The following MAX variants were observed in gnomAD, a reference collection of about 807,000 sequenced individuals.
The protein encoded by MAX is MYC associated transcriptional regulator X.
In MAX, 3 loss-of-function variants were observed where a neutral mutation model predicts 22.3. The observed-to-expected ratio is 0.13, with a 90% CI of 0.06 to 0.35. The LOEUF (loss-of-function observed/expected upper bound fraction) is 0.35. Ranked by LOEUF, MAX falls within the 10% of genes least tolerant of loss-of-function variation. The pLI, the probability that MAX is intolerant of heterozygous loss-of-function variation, is 1.00. For missense variants in MAX, 119 were observed against 209.4 expected, an observed-to-expected ratio of 0.57 and a Z score of 2.66; for synonymous variants, 72 against 77.7, an observed-to-expected ratio of 0.93 and a Z score of 0.39.
intron 3 of MAX, among the ~76,000 whole-genome samples, chr14:65,006,716 C>T (rs1292142691): frequency 6.6e-6 from 1 of 152,206 alleles, no homozygotes; most frequent in Non-Finnish European, 1.5e-5. Context: ...TTTGACATTC[C>T]CTTTTCACTT....
rs2061694643 is a variant in MAX at position 65,012,230 on chromosome 14, T to TACCCGTGTGTG, written c.172-5947_172-5946insCACACACGGGT. Reference sequence around the variant, plus strand: ...AGGGGGACGTCCTGAAGCTGAGTGTTTACCCGTGTGTGTGTACGTGCACAT... The same window carrying TACCCGTGTGTG: ...AGGGGGACGTCCTGAAGCTGAGTGTTACCCGTGTGTGTACCCGTGTGTGTGTACGTGCACAT... On this transcript the variant is annotated intron_variant, in intron 3 of 3. Coordinates refer to the MAX transcript ENST00000341653. This position sits in a 1 kb window ranked among gnomAD's most constrained non-coding sequence, Gnocchi z 5.0. 7.1e-6 allele frequency: 11 copies of TACCCGTGTGTG among 1,545,412 alleles called. No homozygotes were observed. The highest frequency in any genetic ancestry group is 8.0e-6 in the Non-Finnish European group (9 of 1,122,646).
chr14:65,006,797 G>A (rs2061601135), intron 3 of MAX, among the ~76,000 whole-genome samples: 1 of 152,186 alleles, frequency 6.6e-6, no homozygotes, highest in Admixed American at 6.5e-5. Flanking sequence ...CTCATGAGCT[G>A]AAGAAAGACT....
In MAX at chr14:65,102,447, A is replaced by G; in HGVS notation, c.-108T>C. 1 of 1,495,970 alleles carries G rather than the reference A, an allele frequency of 6.7e-7. No homozygotes were observed. Among genetic ancestry groups the G allele is most frequent in the Non-Finnish European group, 9.0e-7 (1 of 1,111,676 alleles). 92.7% of individuals were successfully genotyped at this position (1,495,970 alleles called of 1,614,324 possible). ...CAAGCCGAGTCCCCCCCACACACAC[A>G]CTCACTCACTCACTCACTCGCTCTC... On this transcript the variant is annotated 5_prime_UTR_variant, in exon 1 of 5. Coordinates refer to ENST00000358664, the MANE Select transcript of MAX (RefSeq NM_002382.5).
At chr14:65,059,610 T>A (rs1390485980) in intron 3 of MAX, among the ~76,000 whole-genome samples, 5 of 152,086 alleles carry the variant, frequency 3.3e-5, no homozygotes, top group East Asian at 1.9e-4. Context: ...TCTCTCAAAA[T>A]TTTTAAAATC....
chr14:65,101,117 AG>A (rs1484535962), intron 2 of MAX, among the ~76,000 whole-genome samples: 1 of 152,236 alleles, frequency 6.6e-6, no homozygotes, highest in African/African-American at 2.4e-5. Context: ...ACTTGGTTAA[AG>A]GCGATTACCG....
rs2062941659 is a variant in MAX, at chr14:65,067,391, C to T, written c.171+26317G>A. 2.0e-5 allele frequency among the ~76,000 whole-genome samples: 3 copies of T among 152,076 alleles called. No individual in the cohort carries two copies. The South Asian group carries it at 6.2e-4, about 32-fold the overall frequency. ...AGAAAGTCCATACCTTATTTGAATT[C>T]CCCTAGTTTTTACCTAATGGCCTTT... On this transcript the variant is annotated intron_variant, in intron 3 of 3. Transcript: ENST00000341653.
rs972139398 is a variant in MAX, at chr14:65,078,688, C to A, written c.172-652G>T. Among the ~76,000 whole-genome samples the A allele has an allele frequency of 6.6e-6, 1 of 151,986 alleles. No homozygotes were observed. Among genetic ancestry groups the A allele is most frequent in the Non-Finnish European group, 1.5e-5 (1 of 68,020 alleles). ...GGGATTACAAGTACATGCCACGTTG[C>A]CTGGCTAATTTTTACATTTTTAATA... On this transcript the variant is annotated intron_variant, in intron 3 of 4. Coordinates refer to ENST00000358664, the MANE Select transcript of MAX (RefSeq NM_002382.5). This position sits in a 1 kb window ranked among gnomAD's most constrained non-coding sequence, Gnocchi z 6.4.
chr14:65,039,447 T>G (rs890850195), intron 3 of MAX, among the ~76,000 whole-genome samples: 7 of 152,220 alleles, frequency 4.6e-5, no homozygotes, highest in Non-Finnish European at 1.0e-4. Context: ...TGGATTTGAG[T>G]AGGGGACTTA....
At chr14:65,080,919 A>G (rs952919902) in intron 3 of MAX, among the ~76,000 whole-genome samples, 1 of 152,218 alleles carries the variant, frequency 6.6e-6, no homozygotes, top group Non-Finnish European at 1.5e-5. Context: ...AAACCAGGGA[A>G]TTAGGATCAA....
rs1384663693 is a variant in MAX, at chr14:65,012,663, T to C, written c.172-6379A>G. On this transcript the variant is annotated intron_variant, in intron 3 of 3. Coordinates refer to the MAX transcript ENST00000341653. The surrounding 1 kb of genome is among the most constrained non-coding windows in gnomAD (Gnocchi z 5.0). ...GACTAAGGGGTTCACGTGCTTTATC[T>C]AGACCTCCTTGACAGCTGGCTAAAT... Among the ~76,000 whole-genome samples, 1 of 152,240 alleles carries C rather than the reference T, an allele frequency of 6.6e-6. No individual in the cohort carries two copies. Among genetic ancestry groups the C allele is most frequent in the South Asian group, 2.1e-4 (1 of 4,838 alleles).
At chr14:65,010,965 C>T (rs1360076277) in intron 3 of MAX, among the ~76,000 whole-genome samples, 1 of 152,198 alleles carries the variant, frequency 6.6e-6, no homozygotes, top group Non-Finnish European at 1.5e-5. Flanking sequence ...ACTCATCGCA[C>T]ATTCCTCCTT....
rs2062083022 is a variant in MAX at position 65,031,510 on chromosome 14, G to A, written c.172-25226C>T. ...TTTTTGTGTTTTTAGTGGAGACGGG[G>A]TTTCGCAATATTGGTCAGGTTGGTC... On this transcript the variant is annotated intron_variant, in intron 3 of 3. Transcript: ENST00000341653. This position sits in a 1 kb window ranked among gnomAD's most constrained non-coding sequence, Gnocchi z 4.6. Among the ~76,000 whole-genome samples the A allele has an allele frequency of 6.6e-6, 1 of 151,782 alleles. No homozygotes were observed. Among genetic ancestry groups the A allele is most frequent in the Non-Finnish European group, 1.5e-5 (1 of 67,960 alleles).
intron 3 of MAX, chr14:65,053,244 C>A: frequency 7.1e-7 from 1 of 1,401,958 alleles, no homozygotes; most frequent in Non-Finnish European, 9.4e-7. Flanking sequence ...ACAGGTGACC[C>A]TGCCCTTAGC....
At chr14:65,092,866 C>T (rs2063549578) in intron 3 of MAX, among the ~76,000 whole-genome samples, 2 of 152,214 alleles carry the variant, frequency 1.3e-5, no homozygotes, top group African/African-American at 4.8e-5. Context: ...AGAATAGTTC[C>T]TTCTTTATAA....
In MAX at chr14:65,084,309, A is replaced by G. The variant is rs201959141; in HGVS notation, c.172-6273T>C. 1.4e-6 allele frequency: 2 copies of G among 1,428,826 alleles called. No homozygotes were observed. Among genetic ancestry groups the G allele is most frequent in the East Asian group, 2.3e-5 (1 of 44,028 alleles). The allele number at this position is 1,428,826 out of a possible 1,614,324, so 88.5% of individuals were successfully genotyped here. ...AAAAGAGGAAATAGAGCTAGTAAAT[A>G]AACATGTGGAAAAGCAATTAATTTC... On this transcript the variant is annotated intron_variant, in intron 3 of 4. Coordinates refer to ENST00000358664, the MANE Select transcript of MAX (RefSeq NM_002382.5). This position sits in a 1 kb window ranked among gnomAD's most constrained non-coding sequence, Gnocchi z 4.3.
intron 2 of MAX, among the ~76,000 whole-genome samples, chr14:65,095,147 G>C (rs768452361): frequency 6.6e-6 from 1 of 152,228 alleles, no homozygotes; most frequent in African/African-American, 2.4e-5. Flanking sequence ...CAGAGGAAGA[G>C]GAGACTGGGA....
Position 65,102,463 on chromosome 14 carries a change from ACTCG to A in MAX, c.-128_-125del, listed in dbSNP as rs1056988152. 2.6e-5 allele frequency: 40 copies of A among 1,518,116 alleles called. No homozygotes were observed. In the African/African-American group the frequency reaches 3.6e-4, roughly 14 times the overall value. 94.0% of individuals were successfully genotyped at this position (1,518,116 alleles called of 1,614,324 possible). On this transcript the variant is annotated 5_prime_UTR_variant, in exon 1 of 5. Coordinates refer to ENST00000358664, the MANE Select transcript of MAX (RefSeq NM_002382.5). ...CACACACACACTCACTCACTCACTC[ACTCG>A]CTCTCTCACTCACACACACACACAA... is the stretch of plus-strand genomic sequence containing the variant.
intron 3 of MAX, among the ~76,000 whole-genome samples, chr14:65,080,557 G>A (rs923085282): frequency 1.3e-5 from 2 of 152,112 alleles, no homozygotes; most frequent in South Asian, 4.1e-4. Flanking sequence ...CTGCATGCTT[G>A]TCATTAATGG....
At position 65,012,144 on chromosome 14, in the gene MAX, T is replaced by C; in HGVS notation, c.172-5860A>G. The C allele has an allele frequency of 1.5e-6, 1 of 664,224 alleles. No individual in the cohort carries two copies. The allele number at this position is 664,224 out of a possible 1,614,324, so 41.1% of individuals were successfully genotyped here. A position where few individuals can be genotyped will look rare whatever the true frequency, so the allele number is the denominator to read the frequency against. On this transcript the variant is annotated intron_variant, in intron 3 of 3. Coordinates refer to the MAX transcript ENST00000341653. The surrounding 1 kb of genome is among the most constrained non-coding windows in gnomAD (Gnocchi z 5.0). The stretch of plus-strand genomic sequence containing the variant: ...AGAGACATTCAGACAAGAGCTTCTT[T>C]TCTCTGGTTTAGTTGCTCTTTGGAA...
Sources: allele counts gnomAD v4.1 joint callset (sites outside exome capture counted in the v4.1 genomes callset), GRCh38; gene constraint gnomAD v4.1.1; non-coding constraint Gnocchi (gnomAD v3.1); transcripts MANE v1.5; gene names NCBI Gene and HGNC (gene_info 2026-07-23, HGNC 2026-07-21).